CSMD1: variants seen among roughly 807,000 people sequenced by gnomAD.
CSMD1 encodes CUB and sushi domain-containing protein 1.
In CSMD1, 213 loss-of-function variants were observed where a neutral mutation model predicts 417.5. That is an observed-to-expected ratio of 0.51 (90% CI 0.46 to 0.57). CSMD1 has a LOEUF of 0.57. Among genes scored for constraint, CSMD1 ranks in the 20% least tolerant of loss-of-function variants. The probability of loss-of-function intolerance (pLI) is 0.00; values close to 1 mark genes in which losing one functional copy is unlikely to be tolerated. For synonymous variants in CSMD1, 2,862 were observed against 1,736.8 expected, an observed-to-expected ratio of 1.65 and a Z score of -16.11; for missense variants, 6,923 against 4,529.7, an observed-to-expected ratio of 1.53 and a Z score of -15.17.
intron 2 of CSMD1, among the ~76,000 whole-genome samples, chr8:4,490,776 T>C (rs1395041936): frequency 6.6e-6 from 1 of 152,194 alleles, no homozygotes; most frequent in African/African-American, 2.4e-5. Flanking sequence ...CTCCACTAGG[T>C]CGGGCATATT....
intron 5 of CSMD1, among the ~76,000 whole-genome samples, chr8:3,870,955 T>C (rs1341116604): frequency 6.6e-6 from 1 of 151,960 alleles, no homozygotes; most frequent in Non-Finnish European, 1.5e-5. Context: ...TGTAAATTTT[T>C]GTTTTATATT....
In CSMD1 at chr8:3,586,227, G is replaced by T; in HGVS notation, c.1131C>A (p.Asp377Glu). 9.9e-6 allele frequency: 16 copies of T among 1,610,042 alleles called. No homozygotes were observed. Among genetic ancestry groups the T allele is most frequent in the Non-Finnish European group, 1.4e-5 (16 of 1,178,964 alleles). Residue 377 changes from aspartate to glutamate, a missense_variant, in exon 9 of 70, where the codon GAC (aspartate) becomes GAA (glutamate). Coordinates refer to ENST00000635120, the MANE Select transcript of CSMD1 (RefSeq NM_033225.6). ...VGANVQFSCE[D>E]NYVLQGSKSI... ...TTTTAGATCCCTGGAGCACGTAATT[G>T]TCCTCACATGAAAACTGTACATTTG...
At chr8:4,018,217 A>G (rs941578014) in intron 4 of CSMD1, among the ~76,000 whole-genome samples, 12 of 152,100 alleles carry the variant, frequency 7.9e-5, no homozygotes, top group African/African-American at 2.7e-4. Flanking sequence ...TTCCAGAATT[A>G]TATTTTCAGG....
At position 2,941,527 on chromosome 8, in the gene CSMD1, T is replaced by C. The variant is rs544073047; in HGVS notation, c.10535+945A>G. Among the ~76,000 whole-genome samples the C allele has an allele frequency of 3.3e-5, 5 of 152,338 alleles. No individual in the cohort carries two copies. The East Asian group carries it at 9.6e-4, about 29-fold the overall frequency. ...GGCATTTCCAGATTCCTCCAGGTAATGTATTATCCATATATGGAAAAAATG... is the reference window on the plus strand; with the variant it reads ...GGCATTTCCAGATTCCTCCAGGTAACGTATTATCCATATATGGAAAAAATG... On this transcript the variant is annotated intron_variant, in intron 69 of 69. Coordinates refer to ENST00000635120, the MANE Select transcript of CSMD1 (RefSeq NM_033225.6).
At chr8:4,196,032 A>T (rs1460283988) in intron 3 of CSMD1, among the ~76,000 whole-genome samples, 1 of 152,092 alleles carries the variant, frequency 6.6e-6, no homozygotes, top group Non-Finnish European at 1.5e-5. Context: ...TAACACAGTG[A>T]AACCTCGTCT....
chr8:4,716,549 A>T (rs1808670814), intron 1 of CSMD1, among the ~76,000 whole-genome samples: 1 of 152,250 alleles, frequency 6.6e-6, no homozygotes, highest in African/African-American at 2.4e-5. Flanking sequence ...ATTGACAGAT[A>T]AATTTTAGGC....
intron 2 of CSMD1, among the ~76,000 whole-genome samples, chr8:4,512,966 C>G (rs1802907332): frequency 6.6e-6 from 1 of 152,044 alleles, no homozygotes; most frequent in East Asian, 1.9e-4. Flanking sequence ...ATTAGGGAAA[C>G]AGTGAACAGG....
chr8:4,359,476 T>A (rs1355538010), intron 3 of CSMD1, among the ~76,000 whole-genome samples: 2 of 152,230 alleles, frequency 1.3e-5, no homozygotes, highest in Non-Finnish European at 2.9e-5. Context: ...AAAACAAGAT[T>A]GAATCCTTCC....
chr8:4,764,352 C>A (rs144863330), intron 1 of CSMD1, among the ~76,000 whole-genome samples: 1 of 152,074 alleles, frequency 6.6e-6, no homozygotes, highest in East Asian at 1.9e-4. Context: ...AAATTAGTAT[C>A]AATTCACAAA....
chr8:4,043,187 G>C lies in CSMD1; in HGVS notation c.416-11088C>G, dbSNP rs997396971. 4.6e-5 allele frequency among the ~76,000 whole-genome samples: 7 copies of C among 152,188 alleles called. No homozygotes were observed. In the Middle Eastern group the frequency reaches 0.01, roughly 222 times the overall value. Reference sequence around the variant, plus strand: ...GCAGTATAACATCACAGTAGATTATGGTAGACTGCTATAAAGTCTAAAGTC... The same window carrying C: ...GCAGTATAACATCACAGTAGATTATCGTAGACTGCTATAAAGTCTAAAGTC... On this transcript the variant is annotated intron_variant, in intron 3 of 69. Transcript: ENST00000635120.
intron 3 of CSMD1, among the ~76,000 whole-genome samples, chr8:4,408,383 G>C (rs1214959295): frequency 1.3e-5 from 2 of 152,182 alleles, no homozygotes; most frequent in African/African-American, 4.8e-5. Context: ...TCAAAAAAGA[G>C]GCATTTTACC....
chr8:4,258,191 T>A (rs1803595709), intron 3 of CSMD1, among the ~76,000 whole-genome samples: 1 of 149,992 alleles, frequency 6.7e-6, no homozygotes, highest in Admixed American at 6.7e-5. Context: ...GCAATCTTCC[T>A]GGCTTGGCCT....
At chr8:4,178,567 G>C (rs1195184957) in intron 3 of CSMD1, among the ~76,000 whole-genome samples, 1 of 151,222 alleles carries the variant, frequency 6.6e-6, no homozygotes, top group Non-Finnish European at 1.5e-5. Context: ...CATAGTGTTG[G>C]AAGTTCTGGC....
intron 1 of CSMD1, among the ~76,000 whole-genome samples, chr8:4,843,515 C>T (rs1800955764): frequency 6.6e-6 from 1 of 152,048 alleles, no homozygotes; most frequent in African/African-American, 2.4e-5. Flanking sequence ...GATCTAACTC[C>T]CCTATTTCTG....
At chr8:4,244,854 A>T (rs1033798910) in intron 3 of CSMD1, among the ~76,000 whole-genome samples, 1 of 152,198 alleles carries the variant, frequency 6.6e-6, no homozygotes, top group Non-Finnish European at 1.5e-5. Flanking sequence ...GTGTCATTGT[A>T]ACAAGATCCC....
At chr8:3,665,641 T>C (rs1343625073) in intron 7 of CSMD1, among the ~76,000 whole-genome samples, 1 of 152,120 alleles carries the variant, frequency 6.6e-6, no homozygotes, top group African/African-American at 2.4e-5. Flanking sequence ...CTGAGAGAAA[T>C]ATTGAAAAAT....
At chr8:4,220,176 C>G (rs2680628) in intron 3 of CSMD1, among the ~76,000 whole-genome samples, 70,218 of 152,146 alleles carry the variant, frequency 0.46, 18,497 homozygotes, top group Non-Finnish European at 0.59. Context: ...GTCTTGAACT[C>G]CTGACGTCAG....
At chr8:4,366,209 A>T (rs1802060197) in intron 3 of CSMD1, among the ~76,000 whole-genome samples, 1 of 151,578 alleles carries the variant, frequency 6.6e-6, no homozygotes, top group Non-Finnish European at 1.5e-5. Context: ...TTCACTTAGG[A>T]TAATGGTCTT....
intron 26 of CSMD1, among the ~76,000 whole-genome samples, chr8:3,231,670 A>G (rs1798847540): frequency 6.6e-6 from 1 of 152,194 alleles, no homozygotes; most frequent in Non-Finnish European, 1.5e-5. Flanking sequence ...GGACAAGAGA[A>G]AATGTTAAAC....
Sources: allele counts gnomAD v4.1 joint callset (sites outside exome capture counted in the v4.1 genomes callset), GRCh38; gene constraint gnomAD v4.1.1; transcripts MANE v1.5; gene names NCBI Gene and HGNC (gene_info 2026-07-23, HGNC 2026-07-21).